ARK2N: variants seen among roughly 807,000 people sequenced by gnomAD.
ARK2N encodes protein ARK2N.
At chr18:46,190,616 ATT>A in the ARK2N span, among the ~76,000 whole-genome samples, 1 of 152,166 alleles carries the variant, frequency 6.6e-6, no homozygotes, top group Non-Finnish European at 1.5e-5. Flanking sequence ...TTGAAATGAA[ATT>A]ACCTACATCT....
chr18:46,194,806 T>C, the ARK2N span, among the ~76,000 whole-genome samples: 12 of 8,200 alleles, frequency 1.5e-3, no homozygotes, highest in African/African-American at 1.7e-3. Flanking sequence ...ATTTAATTAA[T>C]TTTTTTTTTT....
At chr18:46,215,949 T>C in the ARK2N span, 10 of 1,614,024 alleles carry the variant, frequency 6.2e-6, no homozygotes, top group South Asian at 1.1e-4. Flanking sequence ...CAAAAGCATC[T>C]GAACAAGAGA....
At chr18:46,209,153 T>C in the ARK2N span, among the ~76,000 whole-genome samples, 1 of 152,152 alleles carries the variant, frequency 6.6e-6, no homozygotes, top group African/African-American at 2.4e-5. Flanking sequence ...AGCAATCACA[T>C]TTTCCCTCTT....
the ARK2N span, among the ~76,000 whole-genome samples, chr18:46,248,671 G>A: frequency 3.9e-5 from 6 of 151,972 alleles, no homozygotes; most frequent in East Asian, 5.8e-4. Context: ...TGAAACCTCC[G>A]CCTCCTGGGT....
At chr18:46,247,112 A>G in the ARK2N span, among the ~76,000 whole-genome samples, 1 of 152,154 alleles carries the variant, frequency 6.6e-6, no homozygotes, top group Non-Finnish European at 1.5e-5. Context: ...GAATATTACT[A>G]GTTTCTAGAT....
At chr18:46,232,832 A>T in the ARK2N span, 5 of 152,328 alleles carry the variant, frequency 3.3e-5, no homozygotes, top group East Asian at 9.6e-4. Flanking sequence ...TTTGGGAAGA[A>T]TGTTATGAAA....
chr18:46,225,797 C>T, the ARK2N span, among the ~76,000 whole-genome samples: 1 of 151,980 alleles, frequency 6.6e-6, no homozygotes, highest in African/African-American at 2.4e-5. Flanking sequence ...TAAACAGTTT[C>T]TTTTTTAAAA....
At chr18:46,240,217 G>T in the ARK2N span, 23 of 1,610,760 alleles carry the variant, frequency 1.4e-5, no homozygotes, top group East Asian at 4.5e-4. Context: ...CTTCTCTAAC[G>T]GTGTAATATG....
the ARK2N span, among the ~76,000 whole-genome samples, chr18:46,250,465 T>C: frequency 1.7e-5 from 2 of 114,656 alleles, no homozygotes; most frequent in African/African-American, 6.3e-5. Flanking sequence ...TTTGCCTAAT[T>C]CCCAACATTA....
chr18:46,178,111 A>T, the ARK2N span, among the ~76,000 whole-genome samples: 1 of 152,118 alleles, frequency 6.6e-6, no homozygotes, highest in Admixed American at 6.5e-5. Context: ...AGCCTAACCA[A>T]AGTCATGATT....
At chr18:46,195,165 C>A in the ARK2N span, among the ~76,000 whole-genome samples, 1 of 151,780 alleles carries the variant, frequency 6.6e-6, no homozygotes, top group African/African-American at 2.4e-5. Flanking sequence ...TCCCTGTGTA[C>A]CTACTTATTA....
the ARK2N span, among the ~76,000 whole-genome samples, chr18:46,245,169 T>G: frequency 6.6e-6 from 1 of 152,056 alleles, no homozygotes; most frequent in Non-Finnish European, 1.5e-5. Flanking sequence ...TGATCTCAAG[T>G]AATCTGCCCA....
chr18:46,195,715 A>G, the ARK2N span, among the ~76,000 whole-genome samples: 1 of 150,946 alleles, frequency 6.6e-6, no homozygotes. Flanking sequence ...AGCTGGGATT[A>G]CAAGTGTGTG....
chr18:46,200,428 C>T, the ARK2N span, among the ~76,000 whole-genome samples: 2 of 152,140 alleles, frequency 1.3e-5, no homozygotes, highest in Non-Finnish European at 2.9e-5. Flanking sequence ...CTGCCTCAGC[C>T]TCCTCAGTAG....
At chr18:46,220,805 ACATACTGC>A in the ARK2N span, among the ~76,000 whole-genome samples, 629 of 152,268 alleles carry the variant, frequency 4.1e-3, 5 homozygotes, top group African/African-American at 0.011. Flanking sequence ...GCTCTTGACC[ACATACTGC>A]CATACTGCCA....
chr18:46,177,328 G>T, the ARK2N span, among the ~76,000 whole-genome samples: 9 of 152,068 alleles, frequency 5.9e-5, no homozygotes, highest in Admixed American at 1.3e-4. Flanking sequence ...GGCTGAGACG[G>T]GAGGATCAGT....
At chr18:46,196,188 C>T in the ARK2N span, among the ~76,000 whole-genome samples, 3 of 151,658 alleles carry the variant, frequency 2.0e-5, no homozygotes, top group African/African-American at 7.3e-5. Context: ...CCATGTTGGT[C>T]AGGCTGGTCT....
the ARK2N span, among the ~76,000 whole-genome samples, chr18:46,179,665 G>C: frequency 7.1e-6 from 1 of 140,074 alleles, no homozygotes; most frequent in South Asian, 2.2e-4. Context: ...CGCTCTTGTT[G>C]CCCAGGCTGG....
the ARK2N span, among the ~76,000 whole-genome samples, chr18:46,202,094 A>G: frequency 6.6e-6 from 1 of 151,994 alleles, no homozygotes; most frequent in Non-Finnish European, 1.5e-5. Flanking sequence ...TAGTTTTCTT[A>G]ACTTTGCCCT....
Sources: gnomAD v4.1 joint callset for allele counts (sites outside exome capture counted in the v4.1 genomes callset) on GRCh38, gnomAD v4.1.1 for gene constraint, MANE v1.5 for transcripts, NCBI Gene and HGNC (gene_info 2026-07-23, HGNC 2026-07-21) for gene names.